Variants in SF3B3 observed in about 807,000 individuals in gnomAD.
SF3B3 encodes SAP 130.
Under a neutral mutation model 139.2 loss-of-function variants are expected in SF3B3, and 33 were observed. The observed-to-expected ratio is 0.24, with a 90% CI of 0.18 to 0.32. SF3B3 has a LOEUF of 0.32. Among genes scored for constraint, SF3B3 ranks in the 10% least tolerant of loss-of-function variants. The probability of loss-of-function intolerance (pLI) is 1.00; values close to 1 mark genes in which losing one functional copy is unlikely to be tolerated. For synonymous variants in SF3B3, 596 were observed against 563.6 expected, an observed-to-expected ratio of 1.06 and a Z score of -0.81; for missense variants, 818 against 1,509.4, an observed-to-expected ratio of 0.54 and a Z score of 7.59.
chr16:70,543,350 C>T (rs1257137515), intron 9 of SF3B3, among the ~76,000 whole-genome samples: 1 of 149,828 alleles, frequency 6.7e-6, no homozygotes, highest in East Asian at 2.0e-4. Context: ...GCAGAGGTTG[C>T]GGTGAGCTGA....
intron 4 of SF3B3, 45 bp from the exon 5 acceptor site, chr16:70,532,434 C>T (rs570777633): frequency 2.2e-5 from 34 of 1,574,360 alleles, no homozygotes; most frequent in South Asian, 7.8e-5. Context: ...TCCAGATCTT[C>T]GATTTTATGC....
At chr16:70,526,159 T>C (rs1196086387) in intron 1 of SF3B3, among the ~76,000 whole-genome samples, 1 of 152,052 alleles carries the variant, frequency 6.6e-6, no homozygotes, top group Non-Finnish European at 1.5e-5. Flanking sequence ...ATATGTATGT[T>C]AATTCTATAC....
chr16:70,527,514 T>A (rs769376553), intron 2 of SF3B3, among the ~76,000 whole-genome samples: 15 of 152,236 alleles, frequency 9.9e-5, no homozygotes, highest in Admixed American at 5.9e-4. Context: ...GCAGCCTAAC[T>A]GACCACACAG....
intron 10 of SF3B3, among the ~76,000 whole-genome samples, chr16:70,546,620 C>T (rs2050270991): frequency 6.6e-6 from 1 of 151,756 alleles, no homozygotes; most frequent in Admixed American, 6.6e-5. Flanking sequence ...CACTGTACTC[C>T]AGCTTGGGCA....
intron 14 of SF3B3, 67 bp from the exon 15 acceptor site, chr16:70,556,819 C>A (rs948374227): frequency 1.9e-6 from 3 of 1,567,688 alleles, no homozygotes; most frequent in Non-Finnish European, 2.6e-6. Context: ...AATTAGATTT[C>A]TCTGGGTATG....
rs1235547768 is a variant in SF3B3, at chr16:70,576,931, ACCAG to A, written c.*5121_*5124del. On this transcript the variant is annotated 3_prime_UTR_variant, in exon 26 of 26. Transcript: ENST00000302516. ...GATCCCTTGAGCCCAGGAGTTTGAGACCAGCCTGGGCAACATGACAAAACCCCAT... is the reference window on the plus strand; with the variant it reads ...GATCCCTTGAGCCCAGGAGTTTGAGACCTGGGCAACATGACAAAACCCCAT... 1.3e-5 allele frequency: 2 copies of A among 152,298 alleles called. No individual in the cohort carries two copies. The highest frequency in any genetic ancestry group is 2.9e-5 in the Non-Finnish European group (2 of 68,230). 9.4% of individuals were successfully genotyped at this position (152,298 alleles called of 1,614,324 possible). A position where few individuals can be genotyped will look rare whatever the true frequency, so the allele number is the denominator to read the frequency against.
At chr16:70,539,040 C>A in intron 7 of SF3B3, 64 bp from the exon 8 acceptor site, 2 of 1,144,860 alleles carry the variant, frequency 1.7e-6, no homozygotes, top group Non-Finnish European at 2.7e-6. Context: ...TCAGCCTGTG[C>A]TGTCTTATAA....
rs1441215680 is a variant in SF3B3 at position 70,544,475 on chromosome 16, A to G, written c.1271A>G (p.Tyr424Cys). Reference sequence around the variant, plus strand: ...GCCAATGAAGATACTCCACAGTTGTATGTGGCCTGTGGTAGGGGACCCCGA... The same window carrying G: ...GCCAATGAAGATACTCCACAGTTGTGTGTGGCCTGTGGTAGGGGACCCCGA... Reference protein sequence around the residue: ...DLANEDTPQLYVACGRGPRSS... With the variant: ...DLANEDTPQLCVACGRGPRSS... Residue 424 changes from tyrosine (Y) to cysteine (C), a missense_variant, in exon 10 of 26, where the codon TAT becomes TGT. Coordinates refer to ENST00000302516, the MANE Select transcript of SF3B3 (RefSeq NM_012426.5). 2 of 1,612,508 alleles carry G rather than the reference A, an allele frequency of 1.2e-6. No homozygotes were observed.
intron 4 of SF3B3, among the ~76,000 whole-genome samples, chr16:70,531,477 A>G (rs1009173102): frequency 2.0e-5 from 3 of 152,028 alleles, no homozygotes; most frequent in South Asian, 2.1e-4. Context: ...GGGTTTCACT[A>G]TGTTGGCCAG....
chr16:70,530,664 C>T, intron 3 of SF3B3, 81 bp from the exon 4 acceptor site: 1 of 1,149,536 alleles, frequency 8.7e-7, no homozygotes, highest in Non-Finnish European at 1.3e-6. Context: ...AAAAGAAAAG[C>T]ATGATGTGAC....
chr16:70,531,183 G>A (rs2050117879), intron 4 of SF3B3, among the ~76,000 whole-genome samples: 4 of 152,102 alleles, frequency 2.6e-5, no homozygotes, highest in South Asian at 2.1e-4. Flanking sequence ...CAGGAGAATG[G>A]CGTGAACCCG....
At chr16:70,551,934 G>T (rs2050331426) in intron 11 of SF3B3, among the ~76,000 whole-genome samples, 1 of 152,168 alleles carries the variant, frequency 6.6e-6, no homozygotes, top group African/African-American at 2.4e-5. Context: ...AATGTGCTTG[G>T]TATTCACAGG....
intron 3 of SF3B3, 70 bp from the exon 4 acceptor site, chr16:70,530,673 ACT>A (rs1490618413): frequency 1.6e-6 from 2 of 1,224,184 alleles, no homozygotes; most frequent in Non-Finnish European, 2.3e-6. Flanking sequence ...GCATGATGTG[ACT>A]CTAGCTGTTC....
rs1414473552 is a variant in SF3B3, at chr16:70,575,170, T to G, written c.*3357T>G. ...GCACAACCAAGAGTTGTTTCTCTTT[T>G]TTTTCTTTTTCTTTTTCTTTTTTTT... On this transcript the variant is annotated 3_prime_UTR_variant, in exon 26 of 26. Transcript: ENST00000302516. 6.6e-6 allele frequency: 1 copy of G among 150,930 alleles called. No individual in the cohort carries two copies. Among genetic ancestry groups the G allele is most frequent in the Non-Finnish European group, 1.5e-5 (1 of 68,120 alleles). 9.3% of individuals were successfully genotyped at this position (150,930 alleles called of 1,614,324 possible). A position where few individuals can be genotyped will look rare whatever the true frequency, so the allele number is the denominator to read the frequency against.
At chr16:70,568,545 C>T (rs1362581935) in intron 22 of SF3B3, 50 bp downstream of exon 22, 6 of 1,473,234 alleles carry the variant, frequency 4.1e-6, no homozygotes, top group African/African-American at 2.8e-5. Flanking sequence ...GGAAAGCTGG[C>T]TCAGTTTCTT....
chr16:70,555,509 G>C (rs543307845), intron 13 of SF3B3, among the ~76,000 whole-genome samples: 1 of 149,640 alleles, frequency 6.7e-6, no homozygotes, highest in East Asian at 2.0e-4. Flanking sequence ...AAGCGAGCTG[G>C]AGTGACAGTG....
chr16:70,551,921 T>TA (rs1359363562), intron 11 of SF3B3, among the ~76,000 whole-genome samples: 1 of 152,202 alleles, frequency 6.6e-6, no homozygotes. Flanking sequence ...GGGTAGAAGT[T>TA]ACAATGTGCT....
At chr16:70,550,963 C>T (rs2050319472) in intron 11 of SF3B3, among the ~76,000 whole-genome samples, 1 of 152,218 alleles carries the variant, frequency 6.6e-6, no homozygotes, top group Admixed American at 6.5e-5. Context: ...TTCATACTCT[C>T]ATAGAGTTGT....
Position 70,556,273 on chromosome 16 carries a change from C to G in SF3B3, c.1805C>G (p.Ser602Cys). 6.2e-7 allele frequency: 1 copy of G among 1,614,198 alleles called. No individual in the cohort carries two copies. Among genetic ancestry groups the G allele is most frequent in the Non-Finnish European group, 8.5e-7 (1 of 1,180,036 alleles). Residue 602 changes from serine to cysteine, a missense_variant, in exon 14 of 26, where the codon TCT (serine) becomes TGT (cysteine). Around this residue, in one of 14 missense-constraint regions of SF3B3, gnomAD observed 170 missense variants for 353.0 expected, o/e 0.48. Transcript: ENST00000302516. ...LANVPPGEQR[S>C]RFLAVGLVDN... ...AATGTACCCCCTGGAGAGCAGCGGTCTCGCTTCCTGGCTGTGGGGCTTGTG... is the reference window on the plus strand; with the variant it reads ...AATGTACCCCCTGGAGAGCAGCGGTGTCGCTTCCTGGCTGTGGGGCTTGTG...
Sources: gnomAD v4.1 joint callset for allele counts (sites outside exome capture counted in the v4.1 genomes callset) on GRCh38, gnomAD v4.1.1 for gene constraint, gnomAD v4.1.1 regional missense constraint, MANE v1.5 for transcripts, NCBI Gene and HGNC (gene_info 2026-07-23, HGNC 2026-07-21) for gene names.